FAM135B: variants seen among roughly 807,000 people sequenced by gnomAD.
FAM135B encodes the protein protein FAM135B.
FAM135B carries 43 observed loss-of-function variants against 127.7 expected under a neutral mutation model. The ratio of observed to expected loss-of-function variants is 0.34; its 90% CI spans 0.26 to 0.43. The LOEUF (loss-of-function observed/expected upper bound fraction) is 0.43. FAM135B is among the 20% of genes least tolerant of loss of function. The probability of loss-of-function intolerance (pLI) is 1.00; values close to 1 mark genes in which losing one functional copy is unlikely to be tolerated. For synonymous variants in FAM135B, 670 were observed against 665.1 expected (o/e 1.01, Z -0.11); for missense variants, 1,558 against 1,725.6 (o/e 0.90, Z 1.72).
rs11320792 is a variant in FAM135B at position 138,457,025 on chromosome 8, CAA to C, written c.-20+39644_-20+39645del. 2.8e-3 allele frequency among the ~76,000 whole-genome samples: 387 copies of C among 136,380 alleles called. 3 individuals are homozygous for C. The East Asian group carries it at 0.033, about 12-fold the overall frequency. The allele number at this position is 136,380 out of a possible 152,430, so 89.5% of individuals were successfully genotyped here. The stretch of plus-strand genomic sequence containing the variant: ...AGATGTGAAAGAAAAATAAAAGGAA[CAA>C]AAAAAAAAAAGCTTTACATGTGGAA... On this transcript the variant is annotated intron_variant, in intron 1 of 19. Coordinates refer to ENST00000395297, the MANE Select transcript of FAM135B (RefSeq NM_015912.4).
rs569256035 is a variant in FAM135B at position 138,336,329 on chromosome 8, GA to G, written c.78-25410del. ...CAATGAATCCAGGAGCTGGTTTTTTGAAAAGACCAACAAAATTGATAGACCT... is the reference window on the plus strand; with the variant it reads ...CAATGAATCCAGGAGCTGGTTTTTTGAAAGACCAACAAAATTGATAGACCT... On this transcript the variant is annotated intron_variant, in intron 2 of 19. Coordinates refer to ENST00000395297, the MANE Select transcript of FAM135B (RefSeq NM_015912.4). Among the ~76,000 whole-genome samples, 153 of 152,152 alleles carry G rather than the reference GA, an allele frequency of 1.0e-3. 1 individual carries two copies. The highest frequency in any genetic ancestry group is 3.5e-3 in the African/African-American group (146 of 41,496).
chr8:138,440,529 A>G (rs1451926013), intron 1 of FAM135B: 1 of 152,228 alleles, frequency 6.6e-6, no homozygotes, highest in Non-Finnish European at 1.5e-5. Flanking sequence ...CATTGTCTAA[A>G]TCATATCTAA....
chr8:138,282,878 C>T (rs1239026104), intron 3 of FAM135B, among the ~76,000 whole-genome samples: 1 of 152,138 alleles, frequency 6.6e-6, no homozygotes, highest in Non-Finnish European at 1.5e-5. Flanking sequence ...GAAACCCACA[C>T]ATAAAAGTTC....
chr8:138,460,627 T>C (rs1435580134), intron 1 of FAM135B, among the ~76,000 whole-genome samples: 1 of 152,172 alleles, frequency 6.6e-6, no homozygotes, highest in African/African-American at 2.4e-5. Context: ...TTCTCCAGCA[T>C]TTCTTCCAGG....
chr8:138,478,461 C>T (rs1438798003), intron 1 of FAM135B, among the ~76,000 whole-genome samples: 1 of 152,160 alleles, frequency 6.6e-6, no homozygotes, highest in Non-Finnish European at 1.5e-5. Context: ...CCAGAGAGCA[C>T]CCTATGGTTG....
intron 1 of FAM135B, among the ~76,000 whole-genome samples, chr8:138,414,558 ATGAG>A (rs1418052013): frequency 2.0e-5 from 3 of 152,206 alleles, no homozygotes; most frequent in Admixed American, 1.3e-4. Flanking sequence ...TTTGAATTTA[ATGAG>A]TAAGATTTTA....
chr8:138,182,153 G>A (rs1473600454), intron 9 of FAM135B, among the ~76,000 whole-genome samples: 1 of 152,116 alleles, frequency 6.6e-6, no homozygotes, highest in Non-Finnish European at 1.5e-5. Context: ...GAGTGAACAA[G>A]AGAAAAAAGA....
rs568791663 is a variant in FAM135B at position 138,488,630 on chromosome 8, TTTTG to T, written c.-20+8037_-20+8040del. 3.9e-3 allele frequency among the ~76,000 whole-genome samples: 590 copies of T among 151,988 alleles called. 2 individuals are homozygous for T. Among genetic ancestry groups the T allele is most frequent in the African/African-American group, 0.013 (546 of 41,410 alleles). On this transcript the variant is annotated intron_variant, in intron 1 of 19. Transcript: ENST00000395297. ...CCAGAGGAAGCCAGATAGTGTGCGT[TTTTG>T]TTTGTTTTTTTGTGTGTGAGTGTTT...
intron 1 of FAM135B, among the ~76,000 whole-genome samples, chr8:138,399,977 AAT>A (rs1482701494): frequency 6.6e-6 from 1 of 152,180 alleles, no homozygotes; most frequent in Non-Finnish European, 1.5e-5. Flanking sequence ...AGGAGCCATG[AAT>A]ATATATCGTC....
Position 138,242,925 on chromosome 8 carries a change from C to T in FAM135B, c.669+17G>A, listed in dbSNP as rs528383019. On this transcript the variant is annotated intron_variant, in intron 7 of 19. Coordinates refer to ENST00000395297, the MANE Select transcript of FAM135B (RefSeq NM_015912.4). The surrounding 1 kb of genome is among the most constrained non-coding windows in gnomAD (Gnocchi z 9.6). ...AAGTTTGAAAGTTTTGAAGCAACTG[C>T]CCCACACAGGCCTTACCTCTGAGGA... is the stretch of plus-strand genomic sequence containing the variant. 5.0e-6 allele frequency: 8 copies of T among 1,605,458 alleles called. No individual in the cohort carries two copies. The highest frequency in any genetic ancestry group is 2.2e-5 in the South Asian group (2 of 89,238).
chr8:138,158,844 G>C (rs13269310), intron 12 of FAM135B, among the ~76,000 whole-genome samples: 104,459 of 151,994 alleles, frequency 0.69, 35,979 homozygotes, highest in East Asian at 0.79. Flanking sequence ...ACTGTTGGTA[G>C]GACTGTAAAC....
intron 12 of FAM135B, among the ~76,000 whole-genome samples, chr8:138,162,028 T>A (rs762769392): frequency 5.9e-5 from 9 of 152,154 alleles, no homozygotes; most frequent in Non-Finnish European, 8.8e-5. Flanking sequence ...TTGCATTGGT[T>A]TGAAAAAATT....
At chr8:138,426,522 T>C (rs1225820108) in intron 1 of FAM135B, among the ~76,000 whole-genome samples, 1 of 150,866 alleles carries the variant, frequency 6.6e-6, no homozygotes, top group Non-Finnish European at 1.5e-5. Flanking sequence ...GTATAATATA[T>C]GTATACATAT....
chr8:138,212,093 T>C (rs1318545290), intron 7 of FAM135B, among the ~76,000 whole-genome samples: 1 of 151,652 alleles, frequency 6.6e-6, no homozygotes, highest in East Asian at 1.9e-4. Context: ...AAAATAGCAA[T>C]AATAATAGCA....
At chr8:138,277,207 T>C (rs1252623548) in intron 3 of FAM135B, among the ~76,000 whole-genome samples, 1 of 152,196 alleles carries the variant, frequency 6.6e-6, no homozygotes, top group Non-Finnish European at 1.5e-5. Flanking sequence ...GCAGAGGCTC[T>C]TGCAGCTGAC....
intron 2 of FAM135B, among the ~76,000 whole-genome samples, chr8:138,356,544 T>C (rs1830101288): frequency 6.6e-6 from 1 of 152,166 alleles, no homozygotes; most frequent in African/African-American, 2.4e-5. Flanking sequence ...GTTAACTCCA[T>C]TGGGTTGAGA....
At chr8:138,429,841 C>G (rs1186758703) in intron 1 of FAM135B, among the ~76,000 whole-genome samples, 3 of 152,062 alleles carry the variant, frequency 2.0e-5, no homozygotes, top group African/African-American at 4.8e-5. Context: ...CCAGAAAGCC[C>G]TTTTCAGAAA....
chr8:138,206,328 CCCCT>C (rs1817584988), intron 7 of FAM135B, among the ~76,000 whole-genome samples: 1 of 125,314 alleles, frequency 8.0e-6, no homozygotes, highest in African/African-American at 2.9e-5. Context: ...GCTCTATCAT[CCCCT>C]CCACCTACCC....
At chr8:138,411,994 A>C (rs565206901) in intron 1 of FAM135B, among the ~76,000 whole-genome samples, 2 of 152,184 alleles carry the variant, frequency 1.3e-5, no homozygotes, top group African/African-American at 4.8e-5. Flanking sequence ...GTTCTCACTT[A>C]TAAGTTGGAG....
Sources: allele counts gnomAD v4.1 joint callset (sites outside exome capture counted in the v4.1 genomes callset), GRCh38; gene constraint gnomAD v4.1.1; non-coding constraint Gnocchi (gnomAD v3.1); transcripts MANE v1.5; gene names NCBI Gene and HGNC (gene_info 2026-07-23, HGNC 2026-07-21).